The following EYS variants were observed in gnomAD, a reference collection of about 807,000 sequenced individuals.
EYS encodes protein eyes shut homolog.
In EYS, 250 loss-of-function variants were observed where a neutral mutation model predicts 282.1. The observed-to-expected ratio is 0.89, with a 90% CI of 0.80 to 0.98. The LOEUF is 0.98. Among genes scored for constraint, EYS ranks in the 50% least tolerant of loss-of-function variants. The pLI is 0.00. For missense variants in EYS, 4,016 were observed against 3,709.0 expected, an observed-to-expected ratio of 1.08 and a Z score of -2.15; for synonymous variants, 1,355 against 1,282.9, an observed-to-expected ratio of 1.06 and a Z score of -1.20.
intron 5 of EYS, among the ~76,000 whole-genome samples, chr6:65,433,417 T>TAA (rs778675186): frequency 6.6e-6 from 1 of 151,216 alleles, no homozygotes; most frequent in Non-Finnish European, 1.5e-5. Flanking sequence ...GGTACATGAT[T>TAA]TAAAAAAAAC....
chr6:65,453,433 T>C (rs1764480288), intron 5 of EYS, among the ~76,000 whole-genome samples: 1 of 152,032 alleles, frequency 6.6e-6, no homozygotes, highest in Non-Finnish European at 1.5e-5. Context: ...TGAGGTACAC[T>C]TTGAGGTTTC....
chr6:63,973,483 TA>T (rs1330223495), intron 35 of EYS, among the ~76,000 whole-genome samples: 1 of 152,160 alleles, frequency 6.6e-6, no homozygotes, highest in Non-Finnish European at 1.5e-5. Flanking sequence ...AATTAAAGTC[TA>T]AAAAATTAGA....
At chr6:65,338,722 G>T (rs1770085962) in intron 10 of EYS, among the ~76,000 whole-genome samples, 1 of 150,996 alleles carries the variant, frequency 6.6e-6, no homozygotes, top group Non-Finnish European at 1.5e-5. Flanking sequence ...TTGGGCAGTG[G>T]AAGATCTTTT....
chr6:64,479,892 G>T (rs187780512), intron 26 of EYS, among the ~76,000 whole-genome samples: 3 of 151,948 alleles, frequency 2.0e-5, no homozygotes, highest in African/African-American at 7.2e-5. Context: ...GAGAGCCTTA[G>T]AGAGTTCTGA....
At chr6:63,745,007 A>T in intron 41 of EYS, 1 of 430,330 alleles carries the variant, frequency 2.3e-6, no homozygotes, top group Non-Finnish European at 4.6e-6. Flanking sequence ...CATCTTTTCC[A>T]ATAAATTGAT....
chr6:64,030,159 G>T lies in EYS; in HGVS notation c.6726-30976C>A, dbSNP rs142640177. Among the ~76,000 whole-genome samples the T allele has an allele frequency of 1.6e-3, 248 of 152,180 alleles. 2 individuals are homozygous for T. In the East Asian group the frequency reaches 0.036, roughly 22 times the overall value. On this transcript the variant is annotated intron_variant, in intron 33 of 42. Transcript: ENST00000503581. ...AGACAGAAAGTCAAAGAGGGAGTCA[G>T]AAACAGAGACAAAGAAAAGGAGTCA...
At chr6:65,144,603 CA>C (rs562551216) in intron 12 of EYS, among the ~76,000 whole-genome samples, 9 of 152,140 alleles carry the variant, frequency 5.9e-5, no homozygotes, top group South Asian at 2.1e-4. Context: ...CAAACTTTTA[CA>C]AAAAACTCTT....
chr6:64,721,011 T>C (rs1771560714), intron 22 of EYS, among the ~76,000 whole-genome samples: 2 of 15,320 alleles, frequency 1.3e-4, no homozygotes, highest in African/African-American at 1.6e-4. Flanking sequence ...TAAGGTGTTT[T>C]TATATTCTCT....
chr6:65,166,208 AT>A (rs952953396), intron 12 of EYS, among the ~76,000 whole-genome samples: 20 of 150,952 alleles, frequency 1.3e-4, no homozygotes, highest in Admixed American at 9.9e-4. Context: ...ATCCAAGCTG[AT>A]TTTTTTTAGA....
intron 35 of EYS, among the ~76,000 whole-genome samples, chr6:63,894,628 C>G (rs1562083820): frequency 6.6e-6 from 1 of 151,800 alleles, no homozygotes; most frequent in African/African-American, 2.4e-5. Context: ...GTCGCCCAGG[C>G]TGGAGTGCAG....
intron 15 of EYS, among the ~76,000 whole-genome samples, chr6:64,934,732 A>G (rs1175402616): frequency 6.6e-6 from 1 of 152,078 alleles, no homozygotes; most frequent in East Asian, 1.9e-4. Flanking sequence ...AAGATTTCAT[A>G]ACTAGCAGAC....
intron 28 of EYS, among the ~76,000 whole-genome samples, chr6:64,428,081 A>C (rs2150457472): frequency 6.6e-6 from 1 of 152,238 alleles, no homozygotes; most frequent in South Asian, 2.1e-4. Context: ...AATGCACTCA[A>C]CTGGATCATA....
chr6:63,892,083 C>G (rs1048831584), intron 35 of EYS, among the ~76,000 whole-genome samples: 1 of 152,054 alleles, frequency 6.6e-6, no homozygotes, highest in Non-Finnish European at 1.5e-5. Context: ...TAAGAGAGGA[C>G]GCAAACAAAT....
intron 7 of EYS, among the ~76,000 whole-genome samples, chr6:65,387,940 T>A (rs1398444639): frequency 6.6e-6 from 1 of 152,064 alleles, no homozygotes; most frequent in East Asian, 1.9e-4. Flanking sequence ...AATGCTGTCA[T>A]TGAACCTATT....
chr6:65,448,892 C>A (rs954864412), intron 5 of EYS, among the ~76,000 whole-genome samples: 2 of 152,026 alleles, frequency 1.3e-5, no homozygotes, highest in African/African-American at 4.8e-5. Context: ...GCTGTGTTCA[C>A]AATGTATGAT....
intron 22 of EYS, among the ~76,000 whole-genome samples, chr6:64,750,113 C>G (rs926703404): frequency 6.6e-6 from 1 of 151,904 alleles, no homozygotes; most frequent in Non-Finnish European, 1.5e-5. Context: ...AACATAATAT[C>G]TCTTACAAAA....
chr6:64,478,467 G>T (rs2150497666), intron 26 of EYS, among the ~76,000 whole-genome samples: 1 of 150,998 alleles, frequency 6.6e-6, no homozygotes, highest in Non-Finnish European at 1.5e-5. Context: ...CTCTGCAAAA[G>T]GAAATACATT....
At position 63,981,234 on chromosome 6, in the gene EYS, G is replaced by A. The variant is rs536752476; in HGVS notation, c.7055+3149C>T. On this transcript the variant is annotated intron_variant, in intron 35 of 42. Coordinates refer to ENST00000503581, the MANE Select transcript of EYS (RefSeq NM_001142800.2). ...TGCACAAACTGCTGGAGTGCTAGCTGTAGGGTTGGGTATTGGTGGGAAGAG... is the reference window on the plus strand; with the variant it reads ...TGCACAAACTGCTGGAGTGCTAGCTATAGGGTTGGGTATTGGTGGGAAGAG... Among the ~76,000 whole-genome samples, 259 of 151,846 alleles carry A rather than the reference G, an allele frequency of 1.7e-3. 1 individual carries two copies. Among genetic ancestry groups the A allele is most frequent in the Non-Finnish European group, 2.9e-3 (200 of 67,820 alleles).
intron 15 of EYS, among the ~76,000 whole-genome samples, chr6:64,923,039 G>C (rs933154019): frequency 6.6e-6 from 1 of 152,046 alleles, no homozygotes; most frequent in African/African-American, 2.4e-5. Context: ...CTTTTCTTGA[G>C]GATGTGCCTA....
Sources: allele counts gnomAD v4.1 joint callset (sites outside exome capture counted in the v4.1 genomes callset), GRCh38; gene constraint gnomAD v4.1.1; transcripts MANE v1.5; gene names NCBI Gene and HGNC (gene_info 2026-07-23, HGNC 2026-07-21).